The following OR56A3 variants were observed in gnomAD, a reference collection of about 807,000 sequenced individuals.
OR56A3 encodes the protein olfactory receptor family 56 subfamily A member 3.
OR56A3 carries 23 observed loss-of-function variants against 17.5 expected under a neutral mutation model. That is an observed-to-expected ratio of 1.32 (90% CI 0.95 to 1.87). The LOEUF (loss-of-function observed/expected upper bound fraction) is 1.87, where lower values mean the gene tolerates loss of function less well. OR56A3 is among the 40% of genes most tolerant of loss of function. OR56A3 has a pLI of 0.00. For synonymous variants in OR56A3, 175 were observed against 150.6 expected, an observed-to-expected ratio of 1.16 and a Z score of -1.19; for missense variants, 366 against 380.1, an observed-to-expected ratio of 0.96 and a Z score of 0.31.
At chr11:5,963,737 T>C in the OR56A3 span, among the ~76,000 whole-genome samples, 21 of 152,270 alleles carry the variant, frequency 1.4e-4, no homozygotes, top group Non-Finnish European at 2.8e-4. Context: ...TTTATATCTT[T>C]CCCTGGGTTT....
the OR56A3 span, among the ~76,000 whole-genome samples, chr11:5,996,703 A>G: frequency 3.3e-5 from 5 of 152,240 alleles, no homozygotes; most frequent in African/African-American, 4.8e-5. Flanking sequence ...TATACATCCA[A>G]ATAGTCAGAC....
chr11:5,981,882 T>C, the OR56A3 span, among the ~76,000 whole-genome samples: 2 of 152,194 alleles, frequency 1.3e-5, no homozygotes, highest in Non-Finnish European at 2.9e-5. Context: ...TGGTGTAAAC[T>C]GGATTCAGTC....
the OR56A3 span, among the ~76,000 whole-genome samples, chr11:6,012,556 C>T: frequency 6.6e-6 from 1 of 152,118 alleles, no homozygotes; most frequent in Non-Finnish European, 1.5e-5. Flanking sequence ...GAGAGGGTAG[C>T]TCCTCCCTGC....
the OR56A3 span, among the ~76,000 whole-genome samples, chr11:6,009,230 C>T: frequency 6.6e-6 from 1 of 152,172 alleles, no homozygotes; most frequent in Non-Finnish European, 1.5e-5. Context: ...TTTCTTTCCT[C>T]ATGCCAGGAA....
chr11:5,942,838 G>A (rs1847847093), intron 1 of OR56A3, among the ~76,000 whole-genome samples: 1 of 152,240 alleles, frequency 6.6e-6, no homozygotes, highest in Non-Finnish European at 1.5e-5. Flanking sequence ...AGGCCTGCCT[G>A]AATTTTACCA....
the OR56A3 span, among the ~76,000 whole-genome samples, chr11:5,984,726 C>A: frequency 2.0e-5 from 3 of 152,164 alleles, no homozygotes; most frequent in African/African-American, 7.2e-5. Context: ...TACTAAGCCT[C>A]TCAGACAGAG....
the OR56A3 span, chr11:6,001,891 A>T: frequency 1.6e-6 from 1 of 641,114 alleles, no homozygotes; most frequent in Non-Finnish European, 2.5e-6. Context: ...AGATTCACAA[A>T]TAAATGTGTT....
chr11:6,005,592 C>CA, the OR56A3 span, among the ~76,000 whole-genome samples: 1 of 152,164 alleles, frequency 6.6e-6, no homozygotes, highest in Non-Finnish European at 1.5e-5. Context: ...ACCGCTAAAA[C>CA]AAAATGCCAT....
the OR56A3 span, among the ~76,000 whole-genome samples, chr11:6,004,059 A>C: frequency 6.6e-6 from 1 of 152,216 alleles, no homozygotes; most frequent in African/African-American, 2.4e-5. Context: ...ACAGTCAAAG[A>C]GGCAGAATGT....
the OR56A3 span, among the ~76,000 whole-genome samples, chr11:5,982,287 G>A: frequency 6.6e-6 from 1 of 152,174 alleles, no homozygotes; most frequent in Non-Finnish European, 1.5e-5. Context: ...GTGACGTTGA[G>A]GTTTGTGTAC....
chr11:6,021,382 G>C, the OR56A3 span: 1 of 152,034 alleles, frequency 6.6e-6, no homozygotes, highest in Middle Eastern at 3.2e-3. Flanking sequence ...TTTTCAAATA[G>C]CTAGAAGAAA....
the OR56A3 span, chr11:6,003,057 C>A: frequency 1.2e-6 from 2 of 1,613,730 alleles, no homozygotes; most frequent in Non-Finnish European, 8.5e-7. Flanking sequence ...AGTACAGAAA[C>A]ATAAAAAGTA....
the OR56A3 span, chr11:6,020,236 C>T: frequency 6.6e-6 from 1 of 152,084 alleles, no homozygotes. Context: ...AGGCAGATTT[C>T]AAGTATATGT....
At chr11:5,967,955 G>A in the OR56A3 span, 1 of 1,594,532 alleles carries the variant, frequency 6.3e-7, no homozygotes, top group Non-Finnish European at 8.6e-7. Context: ...TAGTACAGAT[G>A]CAGTTCTTGA....
the OR56A3 span, chr11:5,986,711 G>A: frequency 6.2e-7 from 1 of 1,613,938 alleles, no homozygotes; most frequent in Non-Finnish European, 8.5e-7. Flanking sequence ...ATAGATTGGT[G>A]CAAGGATGGG....
At position 5,948,573 on chromosome 11, in the gene OR56A3, G is replaced by A; in HGVS notation, c.*279G>A. 1 of 370,528 alleles carries A rather than the reference G, an allele frequency of 2.7e-6. No individual in the cohort carries two copies. Among genetic ancestry groups the A allele is most frequent in the Non-Finnish European group, 4.9e-6 (1 of 205,564 alleles). The allele number at this position is 370,528 out of a possible 1,614,324, so 23.0% of individuals were successfully genotyped here. ...TAAAGCAGATTTTAAAGTGAAAAAT[G>A]TATGTTTCTGAACACACAACTCAAT... On this transcript the variant is annotated 3_prime_UTR_variant, in exon 3 of 3. Transcript: ENST00000641160.
chr11:5,945,807 C>T (rs966658779), intron 2 of OR56A3, among the ~76,000 whole-genome samples: 3 of 151,986 alleles, frequency 2.0e-5, no homozygotes, highest in African/African-American at 7.3e-5. Context: ...AAACAGAGCA[C>T]AGTTCCCAGC....
chr11:5,973,926 C>T, the OR56A3 span, among the ~76,000 whole-genome samples: 1 of 152,090 alleles, frequency 6.6e-6, no homozygotes, highest in Non-Finnish European at 1.5e-5. Flanking sequence ...AGCCAGAGGT[C>T]CTATTGGGAA....
chr11:5,955,846 G>A (rs1013498377), downstream of OR56A3, among the ~76,000 whole-genome samples: 3 of 152,154 alleles, frequency 2.0e-5, no homozygotes, highest in Non-Finnish European at 2.9e-5. Flanking sequence ...TTTGGATAAA[G>A]CACAGCAAGA....
Sources: allele counts gnomAD v4.1 joint callset (sites outside exome capture counted in the v4.1 genomes callset), GRCh38; gene constraint gnomAD v4.1.1; transcripts MANE v1.5; gene names NCBI Gene and HGNC (gene_info 2026-07-23, HGNC 2026-07-21).